MYO5B: variants seen among roughly 807,000 people sequenced by gnomAD.
The protein encoded by MYO5B is myosin VB, also known as unconventional myosin-Vb.
MYO5B carries 143 observed loss-of-function variants against 229.3 expected under a neutral mutation model. The ratio of observed to expected loss-of-function variants is 0.62; its 90% CI spans 0.54 to 0.72. The LOEUF is 0.72. MYO5B is among the 30% of genes least tolerant of loss of function. The pLI is 0.00. For synonymous variants in MYO5B, 918 were observed against 885.2 expected (o/e 1.04, Z -0.66); for missense variants, 2,321 against 2,331.0 (o/e 1.00, Z 0.09).
intron 1 of MYO5B, among the ~76,000 whole-genome samples, chr18:50,082,465 G>T (rs1342378882): frequency 2.0e-5 from 3 of 152,248 alleles, no homozygotes; most frequent in African/African-American, 4.8e-5. Flanking sequence ...CTATCAACAT[G>T]CAGAAGTCAT....
intron 4 of MYO5B, among the ~76,000 whole-genome samples, chr18:50,016,575 C>T (rs181827876): frequency 1.3e-5 from 2 of 152,132 alleles, no homozygotes; most frequent in Non-Finnish European, 2.9e-5. Flanking sequence ...TAAAATGATA[C>T]CATCTAAGAG....
At chr18:49,954,591 C>G (rs764852896) in intron 12 of MYO5B, among the ~76,000 whole-genome samples, 156 bp from the exon 13 acceptor site, 4 of 152,172 alleles carry the variant, frequency 2.6e-5, no homozygotes, top group Non-Finnish European at 4.4e-5. Context: ...ATGATTCAAC[C>G]ATACATGTTC....
chr18:49,984,284 C>T (rs542294169), intron 8 of MYO5B, among the ~76,000 whole-genome samples: 47 of 152,330 alleles, frequency 3.1e-4, no homozygotes, highest in African/African-American at 6.5e-4. Flanking sequence ...ATGCAGCTGC[C>T]AGACCTTCAC....
At chr18:50,132,102 A>C (rs1407218572) in intron 1 of MYO5B, among the ~76,000 whole-genome samples, 1 of 152,204 alleles carries the variant, frequency 6.6e-6, no homozygotes, top group African/African-American at 2.4e-5. Context: ...CCTCTTCCCA[A>C]GTGTGCCAAT....
At chr18:50,125,883 C>T (rs139508978) in intron 1 of MYO5B, among the ~76,000 whole-genome samples, 1,678 of 152,214 alleles carry the variant, frequency 0.011, 8 homozygotes, top group South Asian at 0.03. Flanking sequence ...GGATGCTATG[C>T]TAAGAGAAAT....
intron 1 of MYO5B, among the ~76,000 whole-genome samples, chr18:50,092,315 G>T (rs529661865): frequency 2.6e-5 from 4 of 152,150 alleles, no homozygotes; most frequent in Non-Finnish European, 5.9e-5. Context: ...AACAGTGATG[G>T]GAGCAGCATT....
At chr18:49,942,410 C>T (rs28886972) in intron 14 of MYO5B, among the ~76,000 whole-genome samples, 79,966 of 138,120 alleles carry the variant, frequency 0.58, 23,945 homozygotes, top group Middle Eastern at 0.73. Context: ...AAAAAACTAC[C>T]GTCAGAGTGA....
intron 14 of MYO5B, among the ~76,000 whole-genome samples, chr18:49,947,117 T>C (rs2144232990): frequency 6.7e-6 from 1 of 148,864 alleles, no homozygotes; most frequent in South Asian, 2.2e-4. Flanking sequence ...TTTTTTTTTT[T>C]TTTTTTGAGA....
chr18:50,123,280 C>G (rs902218163), intron 1 of MYO5B, among the ~76,000 whole-genome samples: 2 of 152,106 alleles, frequency 1.3e-5, no homozygotes, highest in African/African-American at 4.8e-5. Context: ...CAGGGGCCAA[C>G]AGGAGGGAGA....
chr18:50,019,710 C>G (rs1255980174), intron 4 of MYO5B, among the ~76,000 whole-genome samples: 1 of 152,162 alleles, frequency 6.6e-6, no homozygotes, highest in Non-Finnish European at 1.5e-5. Flanking sequence ...AGAATGAGCG[C>G]AAGACTGGGA....
chr18:50,047,641 G>A (rs567444525), intron 2 of MYO5B, among the ~76,000 whole-genome samples: 12 of 152,150 alleles, frequency 7.9e-5, no homozygotes, highest in South Asian at 6.2e-4. Context: ...ACATGCACAC[G>A]TATGTTTATT....
At chr18:49,943,222 G>C (rs2025336265) in intron 14 of MYO5B, among the ~76,000 whole-genome samples, 1 of 115,530 alleles carries the variant, frequency 8.7e-6, no homozygotes, top group Admixed American at 1.0e-4. Flanking sequence ...GTTGTGGGGT[G>C]GGGGGAGGGG....
At chr18:50,078,601 T>C (rs1216106941) in intron 1 of MYO5B, among the ~76,000 whole-genome samples, 4 of 152,150 alleles carry the variant, frequency 2.6e-5, no homozygotes, top group Admixed American at 2.0e-4. Context: ...AAAACAAGCA[T>C]TGGCAAGGAT....
chr18:49,877,318 TTTG>T (rs1021883559), intron 25 of MYO5B, among the ~76,000 whole-genome samples: 6 of 152,208 alleles, frequency 3.9e-5, no homozygotes, highest in Admixed American at 2.0e-4. Flanking sequence ...CCAAATATTT[TTTG>T]TTGTTCTGAG....
intron 10 of MYO5B, among the ~76,000 whole-genome samples, chr18:49,969,167 C>T (rs924752389): frequency 4.6e-5 from 7 of 152,182 alleles, no homozygotes; most frequent in Non-Finnish European, 8.8e-5. Context: ...AGGGCTGAGA[C>T]ACTGTCACAG....
chr18:50,016,355 G>A (rs2026215395), intron 4 of MYO5B, among the ~76,000 whole-genome samples: 1 of 152,136 alleles, frequency 6.6e-6, no homozygotes, highest in Non-Finnish European at 1.5e-5. Context: ...TTAAAGGCTG[G>A]CATCTAATTT....
At chr18:49,941,860 G>A (rs1036458856) in intron 14 of MYO5B, among the ~76,000 whole-genome samples, 540 of 127,238 alleles carry the variant, frequency 4.2e-3, no homozygotes, top group Non-Finnish European at 4.9e-3. Context: ...AAAAGAGCCC[G>A]CATTGCCAAG....
rs774239434 is a variant in MYO5B, at chr18:50,001,416, A to G, written c.456-5T>C. 26 of 1,614,050 alleles carry G rather than the reference A, an allele frequency of 1.6e-5. No individual in the cohort carries two copies. The South Asian group carries it at 2.6e-4, about 16-fold the overall frequency. On this transcript the variant is annotated splice_polypyrimidine_tract_variant and splice_region_variant and intron_variant, in intron 4 of 39. Coordinates refer to ENST00000285039, the MANE Select transcript of MYO5B (RefSeq NM_001080467.3). ...ATGGACTGATTCTTCTCATCTCTGG[A>G]AGGAAAAAAGCTCTGATAAGTCATT...
intron 1 of MYO5B, among the ~76,000 whole-genome samples, chr18:50,088,973 G>A (rs568613217): frequency 1.3e-5 from 2 of 149,814 alleles, no homozygotes; most frequent in East Asian, 1.9e-4. Flanking sequence ...GGGGAGAAAA[G>A]TCTCCCTAAA....
Sources: allele counts gnomAD v4.1 joint callset (sites outside exome capture counted in the v4.1 genomes callset), GRCh38; gene constraint gnomAD v4.1.1; transcripts MANE v1.5; gene names NCBI Gene and HGNC (gene_info 2026-07-23, HGNC 2026-07-21).